The following ASIC5 variants were observed in gnomAD, a reference collection of about 807,000 sequenced individuals.
ASIC5 encodes the protein bile acid-sensitive ion channel.
Under a neutral mutation model 51.2 loss-of-function variants are expected in ASIC5, and 52 were observed. The ratio of observed to expected loss-of-function variants is 1.02; its 90% CI spans 0.81 to 1.28. The LOEUF is 1.28. Among genes scored for constraint, ASIC5 ranks in the 50% most tolerant of loss-of-function variants. The pLI is 0.00. For synonymous variants in ASIC5, 231 were observed against 200.7 expected (o/e 1.15, Z -1.28); for missense variants, 635 against 595.0 (o/e 1.07, Z -0.70).
intron 2 of ASIC5, among the ~76,000 whole-genome samples, chr4:155,856,181 T>C (rs1333450072): frequency 6.6e-6 from 1 of 152,126 alleles, no homozygotes; most frequent in Non-Finnish European, 1.5e-5. Flanking sequence ...GATGTTGGGC[T>C]TTATTCTGAA....
At chr4:155,858,018 A>T (rs1037382399) in intron 2 of ASIC5, among the ~76,000 whole-genome samples, 1 of 152,136 alleles carries the variant, frequency 6.6e-6, no homozygotes, top group Non-Finnish European at 1.5e-5. Context: ...TAAACAATGG[A>T]TCAAATAGCA....
chr4:155,847,682 A>T (rs1741287072), intron 4 of ASIC5, among the ~76,000 whole-genome samples: 1 of 152,012 alleles, frequency 6.6e-6, no homozygotes, highest in South Asian at 2.1e-4. Context: ...AGATCATGTC[A>T]CTGCACTCCA....
chr4:155,838,751 C>A, intron 7 of ASIC5, 62 bp downstream of exon 7: 3 of 985,230 alleles, frequency 3.0e-6, no homozygotes, highest in Non-Finnish European at 4.8e-6. Context: ...GACTTAATGT[C>A]TTATATTACT....
intron 6 of ASIC5, among the ~76,000 whole-genome samples, chr4:155,839,889 A>G (rs1217880273): frequency 2.0e-5 from 3 of 152,160 alleles, no homozygotes; most frequent in Non-Finnish European, 2.9e-5. Context: ...CAAAAGAACA[A>G]TGAAATTTTG....
intron 8 of ASIC5, among the ~76,000 whole-genome samples, chr4:155,835,677 G>C (rs1053205324): frequency 6.6e-6 from 1 of 152,148 alleles, no homozygotes; most frequent in Non-Finnish European, 1.5e-5. Flanking sequence ...TGTCTGTGCT[G>C]GAGTCGGAAG....
At chr4:155,836,586 C>T (rs901468398) in intron 8 of ASIC5, 103 bp downstream of exon 8, 4 of 699,272 alleles carry the variant, frequency 5.7e-6, no homozygotes, top group South Asian at 2.6e-5. Context: ...CCATTGCCTC[C>T]CTTGATTGAT....
intron 2 of ASIC5, among the ~76,000 whole-genome samples, chr4:155,860,803 G>C (rs2110766456): frequency 6.6e-6 from 1 of 151,706 alleles, no homozygotes; most frequent in South Asian, 2.1e-4. Context: ...AATGGATTAG[G>C]TTTCCATACC....
intron 2 of ASIC5, among the ~76,000 whole-genome samples, chr4:155,857,769 A>C (rs1741583848): frequency 6.6e-6 from 1 of 152,120 alleles, no homozygotes; most frequent in South Asian, 2.1e-4. Context: ...GATTTTATGA[A>C]GAAGGAAAAT....
chr4:155,863,191 T>C (rs1290830348), intron 2 of ASIC5, among the ~76,000 whole-genome samples: 2 of 152,056 alleles, frequency 1.3e-5, no homozygotes, highest in East Asian at 3.9e-4. Context: ...TACATCTATT[T>C]AATGATAGGA....
At chr4:155,831,310 C>A (rs1386230751) in intron 9 of ASIC5, among the ~76,000 whole-genome samples, 4 of 152,038 alleles carry the variant, frequency 2.6e-5, no homozygotes, top group African/African-American at 4.8e-5. Flanking sequence ...ACACCACCAG[C>A]CTTTTCTTTA....
At chr4:155,836,242 C>A (rs1740976636) in intron 8 of ASIC5, among the ~76,000 whole-genome samples, 1 of 152,170 alleles carries the variant, frequency 6.6e-6, no homozygotes, top group Non-Finnish European at 1.5e-5. Flanking sequence ...GGGCCCCTGA[C>A]TACCTTCACA....
chr4:155,852,449 T>C, intron 3 of ASIC5, 133 bp from the exon 4 acceptor site: 1 of 713,076 alleles, frequency 1.4e-6, no homozygotes, highest in Non-Finnish European at 2.2e-6. Flanking sequence ...AATAGTCTGA[T>C]TTATATGTGT....
At chr4:155,860,650 C>A (rs1741678859) in intron 2 of ASIC5, among the ~76,000 whole-genome samples, 1 of 151,808 alleles carries the variant, frequency 6.6e-6, no homozygotes, top group African/African-American at 2.4e-5. Context: ...TTTTCCTGTT[C>A]TATCATTATA....
At chr4:155,852,993 A>C (rs1407636974) in intron 3 of ASIC5, among the ~76,000 whole-genome samples, 2 of 152,088 alleles carry the variant, frequency 1.3e-5, no homozygotes, top group East Asian at 3.9e-4. Flanking sequence ...AAACAAAGTC[A>C]GAATCTTAAA....
At chr4:155,836,568 G>GA (rs541016721) in intron 8 of ASIC5, 121 bp downstream of exon 8, 59 of 587,684 alleles carry the variant, frequency 1.0e-4, no homozygotes, top group African/African-American at 2.7e-4. Flanking sequence ...TCAGTTCAGT[G>GA]AAAAAAGCCA....
At chr4:155,832,415 A>T (rs76497599) in intron 8 of ASIC5, among the ~76,000 whole-genome samples, 2,582 of 152,306 alleles carry the variant, frequency 0.017, 64 homozygotes, top group African/African-American at 0.058. Flanking sequence ...ATGAATACTA[A>T]TTATTAACTA....
intron 2 of ASIC5, among the ~76,000 whole-genome samples, chr4:155,861,554 ATCT>A (rs1741706213): frequency 6.6e-6 from 1 of 151,924 alleles, no homozygotes; most frequent in East Asian, 1.9e-4. Flanking sequence ...ACCCATTTGC[ATCT>A]TCAAATCTAA....
intron 9 of ASIC5, among the ~76,000 whole-genome samples, chr4:155,830,983 T>C (rs902959243): frequency 5.3e-5 from 8 of 152,228 alleles, no homozygotes; most frequent in Non-Finnish European, 2.9e-5. Flanking sequence ...TCAGCTGTGA[T>C]GTCTGACTGC....
Position 155,838,868 on chromosome 4 carries a change from T to C in ASIC5, c.1011A>G (p.Gly337=), listed in dbSNP as rs1411973454. 6.4e-7 allele frequency: 1 copy of C among 1,552,968 alleles called. No individual in the cohort carries two copies. The highest frequency in any genetic ancestry group is 1.1e-5 in the South Asian group (1 of 88,414). Residue 337 remains glycine (G), a splice_region_variant and synonymous_variant, in exon 7 of 10, where the codon GGA becomes GGG. Coordinates refer to ENST00000537611, the MANE Select transcript of ASIC5 (RefSeq NM_017419.3). ...QCGCVPFLLP[G]YGIECDLQKY... is the part of the protein sequence containing the mutation. ...TTTGTAGGTCACATTCTATCCCATA[T>C]CCTTAAAAATAATAAGTGTAACATA... is the stretch of plus-strand genomic sequence containing the variant.
Sources: gnomAD v4.1 joint callset for allele counts (sites outside exome capture counted in the v4.1 genomes callset) on GRCh38, gnomAD v4.1.1 for gene constraint, MANE v1.5 for transcripts, NCBI Gene and HGNC (gene_info 2026-07-23, HGNC 2026-07-21) for gene names.